PACRGL: variants seen among roughly 807,000 people sequenced by gnomAD.
The protein encoded by PACRGL is parkin coregulated like.
A neutral mutation model predicts 34.5 loss-of-function variants in PACRGL; 38 were observed. The observed-to-expected ratio is 1.10, with a 90% confidence interval of 0.85 to 1.44. The LOEUF (loss-of-function observed/expected upper bound fraction) is 1.44, where lower values mean the gene tolerates loss of function less well. PACRGL is among the 40% of genes most tolerant of loss of function. PACRGL has a pLI of 0.00. For missense variants in PACRGL, 305 were observed against 281.4 expected (o/e 1.08, Z -0.60); for synonymous variants, 128 against 100.1 (o/e 1.28, Z -1.66).
chr4:20,719,433 T>G (rs1741898653), intron 7 of PACRGL, among the ~76,000 whole-genome samples: 1 of 152,218 alleles, frequency 6.6e-6, no homozygotes. Flanking sequence ...GGTATCAGTT[T>G]TAGATCTTTC....
At chr4:20,761,721 T>C in the PACRGL span, among the ~76,000 whole-genome samples, 14,167 of 152,222 alleles carry the variant, frequency 0.093, 906 homozygotes, top group African/African-American at 0.19. Context: ...TTGATAGATA[T>C]AATGTGAAAT....
intron 7 of PACRGL, among the ~76,000 whole-genome samples, chr4:20,719,722 C>T (rs1219362099): frequency 1.3e-5 from 2 of 151,956 alleles, no homozygotes; most frequent in Non-Finnish European, 2.9e-5. Context: ...TGTTCTTTTA[C>T]ATTTGCTGAG....
chr4:20,710,805 A>G (rs561023715), intron 5 of PACRGL, among the ~76,000 whole-genome samples: 2 of 144,050 alleles, frequency 1.4e-5, no homozygotes, highest in South Asian at 4.5e-4. Flanking sequence ...CAAAAACTAT[A>G]AGTTTTTGTT....
chr4:20,746,556 G>T (rs111554978), intron 8 of PACRGL, among the ~76,000 whole-genome samples: 4 of 152,048 alleles, frequency 2.6e-5, no homozygotes, highest in African/African-American at 9.6e-5. Context: ...AACTGCTATA[G>T]TTAACATCTA....
chr4:20,708,441 A>G (rs1302963623), intron 4 of PACRGL, among the ~76,000 whole-genome samples: 1 of 144,918 alleles, frequency 6.9e-6, no homozygotes, highest in Non-Finnish European at 1.5e-5. Context: ...GGAAATAATC[A>G]CAACATTTAT....
chr4:20,710,520 T>C (rs1301664962), intron 5 of PACRGL, among the ~76,000 whole-genome samples: 9 of 152,176 alleles, frequency 5.9e-5, no homozygotes, highest in Admixed American at 4.6e-4. Context: ...TTGGGTGATA[T>C]TAGTAATAAA....
chr4:20,696,369 A>C (rs2149011464), upstream of PACRGL: 1 of 152,350 alleles, frequency 6.6e-6, no homozygotes, highest in East Asian at 1.9e-4. Context: ...AATGAAAAAC[A>C]CATGAGCAAT....
At chr4:20,761,743 C>T in the PACRGL span, among the ~76,000 whole-genome samples, 7 of 152,180 alleles carry the variant, frequency 4.6e-5, no homozygotes, top group Non-Finnish European at 8.8e-5. Flanking sequence ...AATTTGTAAA[C>T]TGACTATCTG....
intron 8 of PACRGL, 62 bp downstream of exon 8, chr4:20,724,950 CAT>C (rs944551411): frequency 1.1e-4 from 103 of 896,240 alleles, no homozygotes; most frequent in South Asian, 1.5e-4. Context: ...ACTAAATTGA[CAT>C]ATATATATAT....
upstream of PACRGL, among the ~76,000 whole-genome samples, chr4:20,697,587 A>G (rs1332090116): frequency 6.6e-6 from 1 of 152,168 alleles, no homozygotes; most frequent in Admixed American, 6.5e-5. Flanking sequence ...GTAGCCTCTG[A>G]GATTTTGTGC....
At chr4:20,721,877 C>T (rs1743419327) in intron 7 of PACRGL, among the ~76,000 whole-genome samples, 1 of 152,202 alleles carries the variant, frequency 6.6e-6, no homozygotes. Context: ...TTTAAGTCTG[C>T]AGAGGTTTCT....
rs983117147 is a variant in PACRGL at position 20,727,911 on chromosome 4, C to G, written c.*570C>G. The G allele has an allele frequency of 6.5e-6, 1 of 152,746 alleles. No homozygotes were observed. Among genetic ancestry groups the G allele is most frequent in the Non-Finnish European group, 1.5e-5 (1 of 68,520 alleles). The allele number at this position is 152,746 out of a possible 1,614,324, so 9.5% of individuals were successfully genotyped here. ...CAGATGATCCTTTTCATCTCAGCCT[C>G]CTGATTAGCTGGGACTATAGGCGTG... is the stretch of plus-strand genomic sequence containing the variant. On this transcript the variant is annotated 3_prime_UTR_variant, in exon 9 of 9. Transcript: ENST00000503585.
At chr4:20,723,868 G>C (rs1421249559) in intron 7 of PACRGL, among the ~76,000 whole-genome samples, 34 of 151,982 alleles carry the variant, frequency 2.2e-4, no homozygotes, top group Admixed American at 2.2e-3. Context: ...GTTAGTTCCT[G>C]GTCTATTACC....
chr4:20,715,163 T>C (rs921467146), intron 7 of PACRGL, among the ~76,000 whole-genome samples: 1 of 152,144 alleles, frequency 6.6e-6, no homozygotes, highest in Non-Finnish European at 1.5e-5. Context: ...CTCAGTAAAC[T>C]GTCACAAGGA....
At chr4:20,716,130 C>T in intron 7 of PACRGL, 1 of 1,504,214 alleles carries the variant, frequency 6.6e-7, no homozygotes, top group South Asian at 1.2e-5. Flanking sequence ...TCATGAGGTT[C>T]CCAAGACCAC....
In PACRGL at chr4:20,732,548, G is replaced by T. The variant is rs6812257; in HGVS notation, c.*5207G>T. The T allele has an allele frequency of 1.5e-6, 1 of 667,462 alleles. No individual in the cohort carries two copies. The highest frequency in any genetic ancestry group is 2.7e-5 in the East Asian group (1 of 36,868). The allele number at this position is 667,462 out of a possible 1,614,324, so 41.3% of individuals were successfully genotyped here. A position where few individuals can be genotyped will look rare whatever the true frequency, so the allele number is the denominator to read the frequency against. On this transcript the variant is annotated 3_prime_UTR_variant, in exon 9 of 9. Coordinates refer to ENST00000503585, the MANE Select transcript of PACRGL (RefSeq NM_001258345.3). ...CAAAACCAAAGCTATTAAATTAATA[G>T]GATGCTAAATACTGTTTTGTTTCAG...
At chr4:20,696,715 G>T (rs1475577886), upstream of PACRGL, among the ~76,000 whole-genome samples, 1 of 152,154 alleles carries the variant, frequency 6.6e-6, no homozygotes, top group Non-Finnish European at 1.5e-5. Flanking sequence ...TTCTATGTTT[G>T]CCCAACTGTC....
chr4:20,707,706 G>T, intron 3 of PACRGL, 97 bp from the exon 4 acceptor site: 2 of 914,388 alleles, frequency 2.2e-6, no homozygotes, highest in Non-Finnish European at 3.6e-6. Flanking sequence ...GAAACGGTGC[G>T]CTTCGATACC....
rs1748521970 is a variant in PACRGL at position 20,732,358 on chromosome 4, T to C, written c.*5017T>C. Among the ~76,000 whole-genome samples the C allele has an allele frequency of 6.6e-6, 1 of 152,196 alleles. No individual in the cohort carries two copies. The highest frequency in any genetic ancestry group is 1.5e-5 in the Non-Finnish European group (1 of 68,026). ...GAGCTTGCGCAATTTGCTGAAACTT[T>C]CAGAGCTTGCTTTTTGTCTCATCTG... On this transcript the variant is annotated 3_prime_UTR_variant, in exon 9 of 9. Transcript: ENST00000503585.
Sources: allele counts gnomAD v4.1 joint callset (sites outside exome capture counted in the v4.1 genomes callset), GRCh38; gene constraint gnomAD v4.1.1; transcripts MANE v1.5; gene names NCBI Gene and HGNC (gene_info 2026-07-23, HGNC 2026-07-21).